Variants in MEAK7 observed in about 807,000 individuals in gnomAD.
The protein encoded by MEAK7 is MTOR associated protein MEAK7, also known as MTOR-associated protein MEAK7.
Under a neutral mutation model 40.5 loss-of-function variants are expected in MEAK7, and 68 were observed. The observed-to-expected ratio is 1.68, with a 90% CI of 1.38 to 2.06. MEAK7 has a LOEUF of 2.06. Among genes scored for constraint, MEAK7 ranks in the 30% most tolerant of loss-of-function variants. The probability of loss-of-function intolerance (pLI) is 0.00; values close to 1 mark genes in which losing one functional copy is unlikely to be tolerated. For missense variants in MEAK7, 918 were observed against 580.5 expected (o/e 1.58, Z -5.98); for synonymous variants, 338 against 231.9 (o/e 1.46, Z -4.16).
chr16:84,482,598 G>A lies in MEAK7; in HGVS notation c.1071C>T (p.Asn357=), dbSNP rs62640938. The A allele has an allele frequency of 0.025, 40,174 of 1,614,156 alleles. 634 individuals are homozygous for A. The highest frequency in any genetic ancestry group is 0.029 in the Non-Finnish European group (34,033 of 1,179,982). The change falls in exon 6 of 8, where the codon AAC becomes AAT. Residue 357 remains asparagine, a synonymous_variant. Transcript: ENST00000343629. ...YLNHGQQTIP[N]GLGMGGQHNY... is the part of the protein sequence containing the mutation. ...ACGCTCTGCCCGGGCTCACCAGTCC[G>A]TTCGGGATCGTCTGCTGTCCATGGT...
chr16:84,492,045 G>T (rs780520462), intron 3 of MEAK7, among the ~76,000 whole-genome samples: 13 of 152,068 alleles, frequency 8.5e-5, no homozygotes, highest in Non-Finnish European at 1.5e-4. Flanking sequence ...CCCAGGAAAA[G>T]ATGGCAATCA....
chr16:84,489,374 G>C lies in MEAK7; in HGVS notation c.433C>G (p.Gln145Glu). 1.2e-6 allele frequency: 2 copies of C among 1,614,130 alleles called. No individual in the cohort carries two copies. Among genetic ancestry groups the C allele is most frequent in the Admixed American group, 1.7e-5 (1 of 60,016 alleles). The change falls in exon 4 of 8, where the codon CAG becomes GAG. Residue 145 changes from glutamine (Q) to glutamate (E), a missense_variant. Coordinates refer to ENST00000343629, the MANE Select transcript of MEAK7 (RefSeq NM_020947.4). Reference sequence around the variant, plus strand: ...TTCCCAGTCCAGCCTCTCAGCTCCTGTCTGTGGCTTAGCACGTGCACCACA... The same window carrying C: ...TTCCCAGTCCAGCCTCTCAGCTCCTCTCTGTGGCTTAGCACGTGCACCACA... ...GSVVHVLSHR[Q>E]ELRGWTGKEA...
At chr16:84,502,799 G>C (rs770710655) in intron 1 of MEAK7, 3 of 152,230 alleles carry the variant, frequency 2.0e-5, no homozygotes, top group Non-Finnish European at 4.4e-5. Flanking sequence ...TGAACCAGGA[G>C]GCAGAGGTCG....
chr16:84,502,103 C>T lies in MEAK7; in HGVS notation c.-26+2498G>A, dbSNP rs149133910. 4.0e-4 allele frequency among the ~76,000 whole-genome samples: 60 copies of T among 151,888 alleles called. No homozygotes were observed. In the East Asian group the frequency reaches 0.011, roughly 29 times the overall value. ...AGGTTGCAATGAGCCAAGATCATGC[C>T]ATTGCACTCCAGCCTGGGCAACAAG... On this transcript the variant is annotated intron_variant, in intron 1 of 7. Transcript: ENST00000343629.
chr16:84,495,416 G>C (rs550941269), intron 3 of MEAK7, among the ~76,000 whole-genome samples: 38 of 152,238 alleles, frequency 2.5e-4, no homozygotes, highest in African/African-American at 9.2e-4. Flanking sequence ...TATGGATTCA[G>C]TAATGGGACC....
chr16:84,483,377 C>T (rs930080379), intron 5 of MEAK7, among the ~76,000 whole-genome samples: 6 of 152,242 alleles, frequency 3.9e-5, no homozygotes, highest in Admixed American at 2.6e-4. Flanking sequence ...GCCTCGTCCT[C>T]GGAGCTCCCA....
intron 7 of MEAK7, 52 bp from the exon 8 acceptor site, chr16:84,480,078 C>G (rs1912389511): frequency 7.2e-7 from 1 of 1,397,780 alleles, no homozygotes. Context: ...CAACAAGAGG[C>G]AGCAGCTTCC....
At chr16:84,481,524 C>A (rs1005363073) in intron 6 of MEAK7, among the ~76,000 whole-genome samples, 50 of 152,318 alleles carry the variant, frequency 3.3e-4, no homozygotes, top group African/African-American at 1.2e-3. Context: ...CTGGCCACGC[C>A]CCTCCCTCTC....
chr16:84,483,833 G>A (rs1326622783), intron 5 of MEAK7, among the ~76,000 whole-genome samples: 1 of 152,170 alleles, frequency 6.6e-6, no homozygotes, highest in Non-Finnish European at 1.5e-5. Flanking sequence ...GACAAGGTGT[G>A]GGACAGGTAC....
At chr16:84,482,237 C>T (rs991035437) in intron 6 of MEAK7, among the ~76,000 whole-genome samples, 2 of 152,220 alleles carry the variant, frequency 1.3e-5, no homozygotes, top group African/African-American at 4.8e-5. Context: ...GTCCAGCACT[C>T]CCACGTATGA....
At chr16:84,487,739 G>A (rs902650242) in intron 4 of MEAK7, 1 of 152,294 alleles carries the variant, frequency 6.6e-6, no homozygotes, top group Non-Finnish European at 1.5e-5. Context: ...GTGACAGTAA[G>A]AGCGTGGGAG....
At chr16:84,502,916 G>C (rs547974008) in intron 1 of MEAK7, 5 of 152,306 alleles carry the variant, frequency 3.3e-5, no homozygotes, top group African/African-American at 1.2e-4. Flanking sequence ...AAGTGACCAA[G>C]ATGTTTTGCT....
At chr16:84,493,438 C>T (rs1465258065) in intron 3 of MEAK7, among the ~76,000 whole-genome samples, 1 of 152,166 alleles carries the variant, frequency 6.6e-6, no homozygotes, top group Non-Finnish European at 1.5e-5. Context: ...ATTGCCGATC[C>T]AATATCAAGC....
intron 2 of MEAK7, 105 bp from the exon 3 acceptor site, chr16:84,496,018 A>G (rs1338377782): frequency 1.6e-6 from 2 of 1,278,656 alleles, no homozygotes; most frequent in African/African-American, 1.5e-5. Flanking sequence ...GGTCCTTGGG[A>G]AGTTTTCGTT....
intron 2 of MEAK7, among the ~76,000 whole-genome samples, chr16:84,496,399 C>G (rs772246463): frequency 6.6e-6 from 1 of 152,176 alleles, no homozygotes; most frequent in Non-Finnish European, 1.5e-5. Flanking sequence ...AGGACCTCTT[C>G]TTTTGGCTTT....
intron 7 of MEAK7, 50 bp downstream of exon 7, chr16:84,480,479 C>T (rs1912429893): frequency 1.2e-5 from 18 of 1,520,218 alleles, no homozygotes; most frequent in Non-Finnish European, 1.5e-5. Flanking sequence ...TGCAGAAAGG[C>T]CCCCAGGCTC....
chr16:84,481,431 G>A (rs1256145215), intron 6 of MEAK7, among the ~76,000 whole-genome samples: 5 of 152,150 alleles, frequency 3.3e-5, no homozygotes, highest in African/African-American at 4.8e-5. Flanking sequence ...GGGGCCTGCC[G>A]GGTGCTGCCT....
intron 5 of MEAK7, among the ~76,000 whole-genome samples, chr16:84,483,785 C>G (rs1189325038): frequency 6.6e-6 from 1 of 152,154 alleles, no homozygotes; most frequent in African/African-American, 2.4e-5. Context: ...ACAGAGCTGG[C>G]TGGGGCAAGA....
intron 1 of MEAK7, chr16:84,503,933 G>A (rs1015997919): frequency 1.0e-6 from 1 of 985,450 alleles, no homozygotes; most frequent in African/African-American, 1.7e-5. Context: ...CGCATCCCTA[G>A]AGCCACACAA....
Sources: allele counts gnomAD v4.1 joint callset (sites outside exome capture counted in the v4.1 genomes callset), GRCh38; gene constraint gnomAD v4.1.1; transcripts MANE v1.5; gene names NCBI Gene and HGNC (gene_info 2026-07-23, HGNC 2026-07-21).